The following SLC35A3 variants were observed in gnomAD, a reference collection of about 807,000 sequenced individuals.
The protein encoded by SLC35A3 is UDP-N-acetylglucosamine transporter.
Under a neutral mutation model 39.0 loss-of-function variants are expected in SLC35A3, and 26 were observed. The ratio of observed to expected loss-of-function variants is 0.67; its 90% confidence interval spans 0.49 to 0.92. The LOEUF is 0.92. Among genes scored for constraint, SLC35A3 ranks in the 40% least tolerant of loss-of-function variants. The pLI, the probability that SLC35A3 is intolerant of heterozygous loss-of-function variation, is 0.00. For missense variants in SLC35A3, 299 were observed against 371.6 expected (o/e 0.80, Z 1.61); for synonymous variants, 135 against 133.1 (o/e 1.01, Z -0.10).
At chr1:99,980,413 T>C (rs919881184) in intron 1 of SLC35A3, among the ~76,000 whole-genome samples, 1 of 152,194 alleles carries the variant, frequency 6.6e-6, no homozygotes, top group African/African-American at 2.4e-5. Flanking sequence ...CTTAGAGATA[T>C]TAAGTCGTTT....
chr1:99,991,618 A>G (rs1192568841), intron 1 of SLC35A3, among the ~76,000 whole-genome samples: 1 of 152,240 alleles, frequency 6.6e-6, no homozygotes, highest in Non-Finnish European at 1.5e-5. Flanking sequence ...AAAAGCCTAC[A>G]GCGATTTTGT....
intron 4 of SLC35A3, chr1:100,007,510 G>T: frequency 6.1e-6 from 1 of 162,962 alleles, no homozygotes; most frequent in Non-Finnish European, 1.3e-5. Flanking sequence ...ATTTTTTCCT[G>T]GTTCTTTTAT....
chr1:99,970,680 G>C (rs1656754389), intron 1 of SLC35A3: 3 of 1,440,682 alleles, frequency 2.1e-6, no homozygotes, highest in Non-Finnish European at 2.8e-6. Flanking sequence ...TGTTTGAAGT[G>C]GGGTGAGATT....
intron 1 of SLC35A3, chr1:99,970,514 G>T (rs1013007907): frequency 1.3e-6 from 2 of 1,523,098 alleles, no homozygotes; most frequent in Non-Finnish European, 1.8e-6. Flanking sequence ...GCTGGGGCCC[G>T]TCATTCCTTC....
At position 100,032,477 on chromosome 1, in the gene SLC35A3, A is replaced by G. The variant is rs1661295063; in HGVS notation, c.*10001A>G. Reference sequence around the variant, plus strand: ...AAAATTACTCAATATATTATAGCCAATCGGTCACAGTTCTTTTTGATGCTC... The same window carrying G: ...AAAATTACTCAATATATTATAGCCAGTCGGTCACAGTTCTTTTTGATGCTC... On this transcript the variant is annotated 3_prime_UTR_variant, in exon 8 of 8. Coordinates refer to ENST00000533028, the MANE Select transcript of SLC35A3 (RefSeq NM_012243.3). 6.6e-6 allele frequency: 1 copy of G among 152,188 alleles called. No homozygotes were observed. The highest frequency in any genetic ancestry group is 1.5e-5 in the Non-Finnish European group (1 of 68,026). The allele number at this position is 152,188 out of a possible 1,614,324, so 9.4% of individuals were successfully genotyped here.
intron 6 of SLC35A3, among the ~76,000 whole-genome samples, chr1:100,016,356 G>A (rs1304989126): frequency 6.7e-6 from 1 of 148,418 alleles, no homozygotes; most frequent in Non-Finnish European, 1.5e-5. Context: ...GAGCCACCGC[G>A]CCCGGCCCGG....
intron 1 of SLC35A3, among the ~76,000 whole-genome samples, chr1:99,976,571 T>C (rs1372607181): frequency 6.6e-6 from 1 of 152,210 alleles, no homozygotes; most frequent in African/African-American, 2.4e-5. Flanking sequence ...TAGATGCCCA[T>C]CAGTGGTGAA....
chr1:100,008,860 AC>A (rs1217748545), intron 4 of SLC35A3: 2 of 152,202 alleles, frequency 1.3e-5, no homozygotes, highest in Non-Finnish European at 2.9e-5. Flanking sequence ...GTTTACACTT[AC>A]AACTTAAGTT....
intron 1 of SLC35A3, among the ~76,000 whole-genome samples, chr1:99,976,876 G>T (rs1657135222): frequency 6.6e-6 from 1 of 151,968 alleles, no homozygotes; most frequent in Admixed American, 6.6e-5. Context: ...GATTACCTGG[G>T]TGACAAAATT....
At chr1:99,980,715 A>G (rs1339677945) in intron 1 of SLC35A3, among the ~76,000 whole-genome samples, 2 of 151,068 alleles carry the variant, frequency 1.3e-5, no homozygotes, top group Non-Finnish European at 2.9e-5. Flanking sequence ...AACTTAGAAC[A>G]TGATAGGAGC....
chr1:99,999,853 T>G (rs1432014647), intron 3 of SLC35A3, among the ~76,000 whole-genome samples: 1 of 152,040 alleles, frequency 6.6e-6, no homozygotes. Flanking sequence ...AATACGATAT[T>G]TGTCTTTCTG....
At chr1:99,996,723 ATAAAGT>A (rs2101161459) in intron 2 of SLC35A3, among the ~76,000 whole-genome samples, 1 of 151,908 alleles carries the variant, frequency 6.6e-6, no homozygotes, top group South Asian at 2.1e-4. Flanking sequence ...ATAAAATAAC[ATAAAGT>A]TAAGGTAATA....
At chr1:100,015,887 A>T (rs1198337433) in intron 6 of SLC35A3, among the ~76,000 whole-genome samples, 2 of 152,152 alleles carry the variant, frequency 1.3e-5, no homozygotes, top group Non-Finnish European at 2.9e-5. Context: ...AATTAATTAC[A>T]TCTTTAAAAA....
At chr1:100,017,936 A>G (rs1321007350) in intron 7 of SLC35A3, 121 bp downstream of exon 7, 2 of 494,078 alleles carry the variant, frequency 4.0e-6, no homozygotes, top group Non-Finnish European at 3.5e-6. Flanking sequence ...AATTTATTTA[A>G]CTATGTTTTA....
intron 3 of SLC35A3, chr1:100,000,873 G>A (rs904139686): frequency 4.0e-5 from 6 of 149,786 alleles, no homozygotes; most frequent in Non-Finnish European, 5.9e-5. Context: ...ATCCATTTTG[G>A]GTTTTTTTTT....
intron 5 of SLC35A3, among the ~76,000 whole-genome samples, chr1:100,012,441 A>G (rs573207677): frequency 6.6e-6 from 1 of 152,338 alleles, no homozygotes; most frequent in African/African-American, 2.4e-5. Context: ...ATAAGCTCCA[A>G]TGCTCATAGA....
Position 99,999,340 on chromosome 1 carries a change from T to A in SLC35A3, c.267T>A (p.Ile89=), listed in dbSNP as rs2101196455. 6.2e-7 allele frequency: 1 copy of A among 1,601,010 alleles called. No individual in the cohort carries two copies. Residue 89 remains isoleucine (I), a synonymous_variant, in exon 3 of 8, where the codon ATT becomes ATA. Transcript: ENST00000533028. ...CTATGGAAACACTTAAACTTGCTATTCCATCAGGGATCTATACTCTTCAGA... is the reference window on the plus strand; with the variant it reads ...CTATGGAAACACTTAAACTTGCTATACCATCAGGGATCTATACTCTTCAGA... ...NKPMETLKLA[I]PSGIYTLQNN...
chr1:100,007,276 A>G lies in SLC35A3; in HGVS notation c.465+120A>G, dbSNP rs927290246. On this transcript the variant is annotated intron_variant, in intron 4 of 7. Transcript: ENST00000533028. ...AAACCAACAAATGTTTTTCCCCACA[A>G]CTAACATATGTTTTGAGGGCATCCT... 31 of 884,610 alleles carry G rather than the reference A, an allele frequency of 3.5e-5. No individual in the cohort carries two copies. In the Admixed American group the frequency reaches 7.5e-4, roughly 21 times the overall value. 54.8% of individuals were successfully genotyped at this position (884,610 alleles called of 1,614,324 possible).
intron 1 of SLC35A3, among the ~76,000 whole-genome samples, chr1:99,972,084 T>C (rs1342254451): frequency 6.6e-6 from 1 of 151,460 alleles, no homozygotes; most frequent in African/African-American, 2.4e-5. Context: ...TAGTTTTAGT[T>C]GAGACGGGGT....
Sources: gnomAD v4.1 joint callset for allele counts (sites outside exome capture counted in the v4.1 genomes callset) on GRCh38, gnomAD v4.1.1 for gene constraint, MANE v1.5 for transcripts, NCBI Gene and HGNC (gene_info 2026-07-23, HGNC 2026-07-21) for gene names.